CDH18: variants seen among roughly 807,000 people sequenced by gnomAD.
CDH18 encodes the protein cadherin 18.
CDH18 carries 31 observed loss-of-function variants against 67.9 expected under a neutral mutation model. The ratio of observed to expected loss-of-function variants is 0.46; its 90% CI spans 0.34 to 0.62. CDH18 has a LOEUF of 0.62. Ranked by LOEUF, CDH18 falls within the 20% of genes least tolerant of loss-of-function variation. The probability of loss-of-function intolerance (pLI) is 0.01; values close to 1 mark genes in which losing one functional copy is unlikely to be tolerated. For synonymous variants in CDH18, 362 were observed against 347.2 expected (o/e 1.04, Z -0.48); for missense variants, 890 against 975.5 (o/e 0.91, Z 1.17).
At chr5:20,292,027 A>T (rs928593922) in intron 1 of CDH18, among the ~76,000 whole-genome samples, 3 of 151,500 alleles carry the variant, frequency 2.0e-5, no homozygotes, top group African/African-American at 7.3e-5. Context: ...TGACTCAGAA[A>T]CTCTCTGAAG....
intron 2 of CDH18, among the ~76,000 whole-genome samples, chr5:20,089,365 T>A (rs1359292693): frequency 6.6e-6 from 1 of 152,174 alleles, no homozygotes; most frequent in Non-Finnish European, 1.5e-5. Flanking sequence ...TATCAAGTGA[T>A]TAAACTGCAA....
chr5:19,734,543 T>G (rs1357901145), intron 4 of CDH18, among the ~76,000 whole-genome samples: 1 of 152,156 alleles, frequency 6.6e-6, no homozygotes, highest in African/African-American at 2.4e-5. Context: ...AATAAAAATA[T>G]TTTTTCTCGG....
intron 2 of CDH18, among the ~76,000 whole-genome samples, chr5:19,975,296 T>G (rs1798395490): frequency 6.6e-6 from 1 of 152,142 alleles, no homozygotes; most frequent in African/African-American, 2.4e-5. Context: ...GAAACTCATT[T>G]TGCCAAAATA....
chr5:20,242,625 T>C (rs867962482), intron 2 of CDH18, among the ~76,000 whole-genome samples: 7 of 104,134 alleles, frequency 6.7e-5, no homozygotes, highest in African/African-American at 2.5e-4. Context: ...TATATATATA[T>C]ATATATATGT....
intron 1 of CDH18, among the ~76,000 whole-genome samples, chr5:20,448,278 TTTTC>T (rs1194547259): frequency 6.9e-6 from 1 of 145,762 alleles, no homozygotes; most frequent in East Asian, 1.9e-4. Context: ...ATGTGCCACA[TTTTC>T]TTTTTTTTTT....
chr5:20,094,648 G>A (rs1745725341), intron 2 of CDH18, among the ~76,000 whole-genome samples: 1 of 151,998 alleles, frequency 6.6e-6, no homozygotes, highest in Non-Finnish European at 1.5e-5. Context: ...TTGAACAGTG[G>A]TTTGTAGCTC....
chr5:20,449,514 A>G (rs1345117062), intron 1 of CDH18, among the ~76,000 whole-genome samples: 5 of 152,086 alleles, frequency 3.3e-5, no homozygotes, highest in African/African-American at 7.2e-5. Flanking sequence ...CTCCCACAAT[A>G]TGGATTGATA....
At chr5:19,929,766 G>C (rs374594385) in intron 2 of CDH18, among the ~76,000 whole-genome samples, 10 of 151,954 alleles carry the variant, frequency 6.6e-5, no homozygotes, top group African/African-American at 2.2e-4. Flanking sequence ...TGTAGGCTAG[G>C]CTTTACCTCT....
intron 2 of CDH18, among the ~76,000 whole-genome samples, chr5:20,046,301 G>A (rs1477851558): frequency 6.6e-6 from 1 of 151,920 alleles, no homozygotes; most frequent in Non-Finnish European, 1.5e-5. Flanking sequence ...GAATGAAGTT[G>A]CCATCTCTTT....
At chr5:20,205,210 A>G (rs1739787886) in intron 2 of CDH18, among the ~76,000 whole-genome samples, 1 of 151,974 alleles carries the variant, frequency 6.6e-6, no homozygotes, top group Admixed American at 6.6e-5. Context: ...TGCAGCTGGA[A>G]ACCGAAAATG....
intron 1 of CDH18, among the ~76,000 whole-genome samples, chr5:20,467,684 A>C (rs1186031019): frequency 2.6e-5 from 4 of 152,232 alleles, no homozygotes; most frequent in Admixed American, 6.5e-5. Flanking sequence ...TGAATCAATG[A>C]ATCAATAAAT....
intron 2 of CDH18, among the ~76,000 whole-genome samples, chr5:20,100,759 A>G (rs991399574): frequency 7.2e-5 from 11 of 152,092 alleles, no homozygotes; most frequent in Non-Finnish European, 1.3e-4. Context: ...GACCCTCTTC[A>G]TGGTTTCTTT....
At chr5:19,890,519 G>A (rs1422278602) in intron 2 of CDH18, among the ~76,000 whole-genome samples, 29 of 151,756 alleles carry the variant, frequency 1.9e-4, no homozygotes, top group Non-Finnish European at 1.0e-4. Flanking sequence ...GCTGAGAAAC[G>A]ACACAATTTT....
chr5:19,910,345 T>C (rs1310416451), intron 2 of CDH18, among the ~76,000 whole-genome samples: 1 of 152,090 alleles, frequency 6.6e-6, no homozygotes, highest in African/African-American at 2.4e-5. Context: ...CACCCCAGAG[T>C]GCAAACAAGC....
At chr5:20,481,297 C>T (rs6863849) in intron 1 of CDH18, among the ~76,000 whole-genome samples, 8,351 of 151,188 alleles carry the variant, frequency 0.055, 763 homozygotes, top group African/African-American at 0.19. Context: ...ATTGTAAATA[C>T]ATATGCAGTC....
At chr5:19,589,535 T>C (rs1187972146) in intron 7 of CDH18, among the ~76,000 whole-genome samples, 1 of 152,130 alleles carries the variant, frequency 6.6e-6, no homozygotes, top group Non-Finnish European at 1.5e-5. Context: ...CTAATATTTA[T>C]TGAATGCCAA....
At position 20,324,250 on chromosome 5, in the gene CDH18, G is replaced by A. The variant is rs373273498; in HGVS notation, c.-579-68745C>T. On this transcript the variant is annotated intron_variant, in intron 1 of 14. Coordinates refer to the CDH18 transcript ENST00000507958. Reference sequence around the variant, plus strand: ...AAAGCTGAGCAATTCATTTGTAGGGGGAAGGCCGGGCGCGGTGGGTGGCTC... The same window carrying A: ...AAAGCTGAGCAATTCATTTGTAGGGAGAAGGCCGGGCGCGGTGGGTGGCTC... Among the ~76,000 whole-genome samples the A allele has an allele frequency of 3.9e-5, 6 of 152,068 alleles. No homozygotes were observed. In the East Asian group the frequency reaches 1.2e-3, roughly 29 times the overall value.
chr5:20,421,260 A>G (rs1029857168), intron 1 of CDH18, among the ~76,000 whole-genome samples: 1 of 151,142 alleles, frequency 6.6e-6, no homozygotes, highest in Non-Finnish European at 1.5e-5. Flanking sequence ...TTCCGCTATC[A>G]GAGAAGGAAT....
chr5:19,624,253 T>C (rs10041804), intron 5 of CDH18, among the ~76,000 whole-genome samples: 108,601 of 151,646 alleles, frequency 0.72, 39,443 homozygotes, highest in South Asian at 0.8. Context: ...GTGATCTGCC[T>C]GCCTCAGCCT....
Sources: allele counts gnomAD v4.1 joint callset (sites outside exome capture counted in the v4.1 genomes callset), GRCh38; gene constraint gnomAD v4.1.1; transcripts MANE v1.5; gene names NCBI Gene and HGNC (gene_info 2026-07-23, HGNC 2026-07-21).